The following PACRG variants were observed in gnomAD, a reference collection of about 807,000 sequenced individuals.
PACRG encodes the protein parkin coregulated gene protein.
In PACRG, 29 loss-of-function variants were observed where a neutral mutation model predicts 29.7. The observed-to-expected ratio is 0.98, with a 90% CI of 0.73 to 1.33. The LOEUF (loss-of-function observed/expected upper bound fraction) is 1.33. Among genes scored for constraint, PACRG ranks in the 40% most tolerant of loss-of-function variants. The pLI, the probability that PACRG is intolerant of heterozygous loss-of-function variation, is 0.00. For missense variants in PACRG, 279 were observed against 316.2 expected (o/e 0.88, Z 0.89); for synonymous variants, 116 against 118.7 (o/e 0.98, Z 0.15).
intron 4 of PACRG, among the ~76,000 whole-genome samples, chr6:163,120,901 T>C (rs1383454697): frequency 6.6e-6 from 1 of 152,154 alleles, no homozygotes; most frequent in Non-Finnish European, 1.5e-5. Context: ...CATACCTCAC[T>C]AGACCCTAGC....
chr6:162,944,602 G>C (rs73605902), intron 2 of PACRG, among the ~76,000 whole-genome samples: 1 of 152,210 alleles, frequency 6.6e-6, no homozygotes, highest in African/African-American at 2.4e-5. Flanking sequence ...ATATGAATAA[G>C]ATGTTTACCA....
Position 162,853,616 on chromosome 6 carries a change from T to C in PACRG, c.291+39335T>C, listed in dbSNP as rs1791111896. On this transcript the variant is annotated intron_variant, in intron 2 of 4. Coordinates refer to ENST00000366888, the MANE Select transcript of PACRG (RefSeq NM_001080379.2). The surrounding 1 kb of genome is among the most constrained non-coding windows in gnomAD (Gnocchi z 4.7). ...TTCTCCCTTATAAGTGGGAGCTAAATGATAAGAACTTATGATCACAAAGGC... is the reference window on the plus strand; with the variant it reads ...TTCTCCCTTATAAGTGGGAGCTAAACGATAAGAACTTATGATCACAAAGGC... Among the ~76,000 whole-genome samples, 1 of 152,162 alleles carries C rather than the reference T, an allele frequency of 6.6e-6. No homozygotes were observed. Among genetic ancestry groups the C allele is most frequent in the Non-Finnish European group, 1.5e-5 (1 of 68,016 alleles).
chr6:163,223,530 A>T (rs1298295372), intron 4 of PACRG, among the ~76,000 whole-genome samples: 1 of 152,236 alleles, frequency 6.6e-6, no homozygotes, highest in Non-Finnish European at 1.5e-5. Context: ...CAGAAGAAGG[A>T]TGGAAGTAGT....
At position 163,109,728 on chromosome 6, in the gene PACRG, T is replaced by C. The variant is rs958145055; in HGVS notation, c.613+20320T>C. Among the ~76,000 whole-genome samples the C allele has an allele frequency of 2.0e-5, 3 of 152,184 alleles. No homozygotes were observed. In the East Asian group the frequency reaches 5.8e-4, roughly 29 times the overall value. On this transcript the variant is annotated intron_variant, in intron 4 of 4. Transcript: ENST00000366888. Reference sequence around the variant, plus strand: ...AAAGAAGAAACAGAAAACCTGCCAATTGACTGAATATTGGGAATAAACAAG... The same window carrying C: ...AAAGAAGAAACAGAAAACCTGCCAACTGACTGAATATTGGGAATAAACAAG...
chr6:162,846,904 C>T (rs1040913926), intron 2 of PACRG, among the ~76,000 whole-genome samples: 1 of 151,390 alleles, frequency 6.6e-6, no homozygotes, highest in African/African-American at 2.4e-5. Context: ...GTGCTCCCCA[C>T]ACTGTCCACT....
intron 4 of PACRG, among the ~76,000 whole-genome samples, chr6:163,280,204 G>T (rs1333076343): frequency 6.6e-6 from 1 of 152,174 alleles, no homozygotes; most frequent in Non-Finnish European, 1.5e-5. Context: ...TCACTTTAGG[G>T]AGTGAGTCTG....
chr6:163,246,338 T>C (rs560421078), intron 4 of PACRG, among the ~76,000 whole-genome samples: 41 of 152,240 alleles, frequency 2.7e-4, no homozygotes, highest in Non-Finnish European at 5.0e-4. Context: ...AGCTCCTTCT[T>C]CTGCCTGGAC....
chr6:163,211,332 C>T lies in PACRG; in HGVS notation c.614-103495C>T, dbSNP rs190407249. Among the ~76,000 whole-genome samples the T allele has an allele frequency of 5.3e-5, 8 of 152,252 alleles. No individual in the cohort carries two copies. In the East Asian group the frequency reaches 1.5e-3, roughly 29 times the overall value. ...TAACACTTGGTTTCCATAATATTTA[C>T]CATATGGTAAAGTCACTGTTTTATA... On this transcript the variant is annotated intron_variant, in intron 4 of 4. Transcript: ENST00000366888.
intron 4 of PACRG, among the ~76,000 whole-genome samples, chr6:163,187,223 C>A (rs1285683597): frequency 2.0e-5 from 3 of 152,184 alleles, no homozygotes; most frequent in Admixed American, 2.0e-4. Context: ...CTCACATCCG[C>A]TCCTCCGTTG....
intron 4 of PACRG, among the ~76,000 whole-genome samples, chr6:163,206,883 G>T (rs1365220411): frequency 6.6e-6 from 1 of 151,140 alleles, no homozygotes; most frequent in East Asian, 1.9e-4. Context: ...ACTCAGGAAG[G>T]TTGATTAAGA....
chr6:162,739,446 T>C (rs1220207027), intron 1 of PACRG, among the ~76,000 whole-genome samples: 2 of 152,202 alleles, frequency 1.3e-5, no homozygotes, highest in Non-Finnish European at 2.9e-5. Context: ...GTTAGCGACT[T>C]GTCTTTATAC....
intron 3 of PACRG, among the ~76,000 whole-genome samples, chr6:163,088,520 G>A (rs569390283): frequency 2.0e-5 from 3 of 152,206 alleles, no homozygotes; most frequent in African/African-American, 7.2e-5. Flanking sequence ...CCTGATTCCC[G>A]ACCCCCTGCA....
In PACRG at chr6:163,314,963, C is replaced by A; in HGVS notation, c.750C>A (p.Thr250=). Residue 250 remains threonine (T), a synonymous_variant, in exon 5 of 5, where the codon ACC becomes ACA. Transcript: ENST00000366888. ...AFINIKYVVP[T]YESCLLN ...TCAACATTAAGTACGTGGTCCCAAC[C>A]TACGAGTCTTGCTTGCTAAACTAAC... 6.2e-7 allele frequency: 1 copy of A among 1,613,942 alleles called. No homozygotes were observed. The highest frequency in any genetic ancestry group is 1.1e-5 in the South Asian group (1 of 91,024).
chr6:162,835,583 A>C (rs1266327662), intron 2 of PACRG, among the ~76,000 whole-genome samples: 4 of 152,180 alleles, frequency 2.6e-5, no homozygotes, highest in African/African-American at 4.8e-5. Context: ...TTAATTATAC[A>C]TCTTAAAATA....
intron 3 of PACRG, among the ~76,000 whole-genome samples, chr6:163,087,558 G>T (rs1585183643): frequency 6.7e-6 from 1 of 149,808 alleles, no homozygotes; most frequent in Non-Finnish European, 1.5e-5. Flanking sequence ...AGGACCAGGG[G>T]AGAGGAGGTG....
At chr6:163,196,772 G>A (rs374189404) in intron 4 of PACRG, among the ~76,000 whole-genome samples, 1 of 152,018 alleles carries the variant, frequency 6.6e-6, no homozygotes, top group African/African-American at 2.4e-5. Flanking sequence ...AAAGACTAGA[G>A]AGACAGACAG....
chr6:162,985,631 C>G (rs2128177667), intron 2 of PACRG, among the ~76,000 whole-genome samples: 1 of 152,146 alleles, frequency 6.6e-6, no homozygotes, highest in East Asian at 1.9e-4. Context: ...AAAGCTTCCT[C>G]CTGAGAACTG....
In PACRG at chr6:162,747,481, T is replaced by TGTAAAACTATAATGGA. The variant is rs1781165352; in HGVS notation, c.156+19090_156+19091insGTAAAACTATAATGGA. ...ATAAATATATATGTAAAACTATATA[T>TGTAAAACTATAATGGA]ATATATATATATTCCATTAGTTCTG... On this transcript the variant is annotated intron_variant, in intron 1 of 4. Coordinates refer to ENST00000366888, the MANE Select transcript of PACRG (RefSeq NM_001080379.2). Among the ~76,000 whole-genome samples, 30 of 123,380 alleles carry TGTAAAACTATAATGGA rather than the reference T, an allele frequency of 2.4e-4. 7 individuals carry two copies. In the South Asian group the frequency reaches 8.1e-3, roughly 33 times the overall value. 80.9% of individuals were successfully genotyped at this position (123,380 alleles called of 152,430 possible).
intron 2 of PACRG, among the ~76,000 whole-genome samples, chr6:163,031,277 G>A (rs1585044625): frequency 6.6e-6 from 1 of 152,270 alleles, no homozygotes; most frequent in East Asian, 1.9e-4. Context: ...AAATTAGAAG[G>A]CTTTCCATGA....
Sources: allele counts gnomAD v4.1 joint callset (sites outside exome capture counted in the v4.1 genomes callset), GRCh38; gene constraint gnomAD v4.1.1; non-coding constraint Gnocchi (gnomAD v3.1); transcripts MANE v1.5; gene names NCBI Gene and HGNC (gene_info 2026-07-23, HGNC 2026-07-21).